The following PBK variants were observed in gnomAD, a reference collection of about 807,000 sequenced individuals.
PBK encodes the protein lymphokine-activated killer T-cell-originated protein kinase.
PBK carries 22 observed loss-of-function variants against 33.5 expected under a neutral mutation model. The ratio of observed to expected loss-of-function variants is 0.66; its 90% CI spans 0.47 to 0.94. The LOEUF is 0.94. Ranked by LOEUF, PBK falls within the 40% of genes least tolerant of loss-of-function variation. The pLI is 0.00. For synonymous variants in PBK, 129 were observed against 123.8 expected (o/e 1.04, Z -0.28); for missense variants, 376 against 383.4 (o/e 0.98, Z 0.16).
chr8:27,835,388 C>T (rs1047136756), intron 1 of PBK, among the ~76,000 whole-genome samples: 3 of 152,070 alleles, frequency 2.0e-5, no homozygotes, highest in African/African-American at 7.2e-5. Context: ...TTTCTGAAAC[C>T]AGTTTCAGAA....
intron 6 of PBK, among the ~76,000 whole-genome samples, chr8:27,817,683 GTTC>G (rs1249025424): frequency 6.6e-6 from 1 of 151,852 alleles, no homozygotes; most frequent in Non-Finnish European, 1.5e-5. Context: ...TTTGGACTGT[GTTC>G]TTAAGAATGA....
At chr8:27,823,604 AAG>A in intron 3 of PBK, among the ~76,000 whole-genome samples, 1 of 152,152 alleles carries the variant, frequency 6.6e-6, no homozygotes, top group Middle Eastern at 3.4e-3. Context: ...AAATTTAAAG[AAG>A]AGATAATCAA....
At chr8:27,817,274 AC>A (rs1223137996) in intron 6 of PBK, among the ~76,000 whole-genome samples, 1 of 152,052 alleles carries the variant, frequency 6.6e-6, no homozygotes, top group African/African-American at 2.4e-5. Context: ...TTCAGCATAA[AC>A]CCAGGGTTTA....
At chr8:27,814,663 C>A (rs1307775381) in intron 6 of PBK, among the ~76,000 whole-genome samples, 1 of 152,230 alleles carries the variant, frequency 6.6e-6, no homozygotes, top group East Asian at 1.9e-4. Flanking sequence ...CCTCTGAGCC[C>A]TGCTTTAGCT....
rs748104410 is a variant in PBK, at chr8:27,810,289, T to G, written c.*16A>C. On this transcript the variant is annotated 3_prime_UTR_variant, in exon 8 of 8. Coordinates refer to ENST00000301905, the MANE Select transcript of PBK (RefSeq NM_018492.4). ...AACAGTTATTTACGCAAGCCACACTTCAGCTGAGATGATCACTAGACATCT... is the reference window on the plus strand; with the variant it reads ...AACAGTTATTTACGCAAGCCACACTGCAGCTGAGATGATCACTAGACATCT... 15 of 1,571,928 alleles carry G rather than the reference T, an allele frequency of 9.5e-6. No homozygotes were observed. The highest frequency in any genetic ancestry group is 1.3e-5 in the Non-Finnish European group (15 of 1,143,688).
chr8:27,812,207 T>G (rs1805700884), intron 6 of PBK: 1 of 152,166 alleles, frequency 6.6e-6, no homozygotes, highest in Non-Finnish European at 1.5e-5. Context: ...CAAGCTAAGA[T>G]CCCTTCTATT....
At chr8:27,814,771 TTG>T (rs1805778882) in intron 6 of PBK, among the ~76,000 whole-genome samples, 1 of 152,186 alleles carries the variant, frequency 6.6e-6, no homozygotes, top group Admixed American at 6.5e-5. Flanking sequence ...TTATTTAAAT[TTG>T]TGTTACTGAA....
chr8:27,833,401 T>C (rs10091924), intron 1 of PBK, among the ~76,000 whole-genome samples: 130,734 of 151,856 alleles, frequency 0.86, 56,434 homozygotes, highest in East Asian at 1. Context: ...CCCAGCTGCT[T>C]GGGAGGCTGA....
At position 27,822,466 on chromosome 8, in the gene PBK, G is replaced by A. The variant is rs1805948735; in HGVS notation, c.318C>T (p.Ala106=). The change falls in exon 5 of 8, where the codon GCC becomes GCT. Residue 106 remains alanine (A), a synonymous_variant. Coordinates refer to ENST00000301905, the MANE Select transcript of PBK (RefSeq NM_018492.4). ...NIVGYRAFTE[A]NDGSLCLAME... is the part of the protein sequence containing the mutation. ...TAGCAAGACACAGACTGCCATCATT[G>A]GCTTCAGTAAAAGCACGATAACCTT... 1.2e-6 allele frequency: 2 copies of A among 1,606,244 alleles called. No homozygotes were observed. The highest frequency in any genetic ancestry group is 1.3e-5 in the African/African-American group (1 of 74,406).
chr8:27,820,824 A>ATTTTT (rs71553893), intron 5 of PBK, 130 bp from the exon 6 acceptor site: 35,049 of 382,516 alleles, frequency 0.092, 1,565 homozygotes, highest in East Asian at 0.17. Context: ...GCGTTTCAAA[A>ATTTTT]TTTTTTTTTT....
At chr8:27,822,076 T>C (rs10094227) in intron 5 of PBK, among the ~76,000 whole-genome samples, 16,171 of 152,196 alleles carry the variant, frequency 0.11, 967 homozygotes, top group East Asian at 0.25. Context: ...GTACACTCTA[T>C]GATGTCCGCA....
At chr8:27,827,655 C>G (rs1231446574) in intron 3 of PBK, among the ~76,000 whole-genome samples, 3 of 152,132 alleles carry the variant, frequency 2.0e-5, no homozygotes, top group Non-Finnish European at 4.4e-5. Flanking sequence ...TGTATTTACC[C>G]TTCTTAATAA....
Sources: gnomAD v4.1 joint callset for allele counts (sites outside exome capture counted in the v4.1 genomes callset) on GRCh38, gnomAD v4.1.1 for gene constraint, MANE v1.5 for transcripts, NCBI Gene and HGNC (gene_info 2026-07-23, HGNC 2026-07-21) for gene names.